The following RANBP10 variants were observed in gnomAD, a reference collection of about 807,000 sequenced individuals.
RANBP10 encodes the protein ran-binding protein 10.
RANBP10 carries 24 observed loss-of-function variants against 72.8 expected under a neutral mutation model. The observed-to-expected ratio is 0.33, with a 90% CI of 0.24 to 0.46. The LOEUF is 0.46. Among genes scored for constraint, RANBP10 ranks in the 20% least tolerant of loss-of-function variants. The pLI, the probability that RANBP10 is intolerant of heterozygous loss-of-function variation, is 1.00. For synonymous variants in RANBP10, 310 were observed against 322.3 expected (o/e 0.96, Z 0.41); for missense variants, 679 against 817.5 (o/e 0.83, Z 2.07).
intron 10 of RANBP10, 84 bp from the exon 11 acceptor site, chr16:67,728,595 T>A: frequency 6.2e-7 from 1 of 1,601,668 alleles, no homozygotes. Flanking sequence ...GCTGTAGCCA[T>A]GGGTTGCTGT....
At chr16:67,803,360 A>T (rs942842009) in intron 2 of RANBP10, among the ~76,000 whole-genome samples, 40 of 152,010 alleles carry the variant, frequency 2.6e-4, no homozygotes, top group African/African-American at 9.2e-4. Context: ...CAAATAATTT[A>T]AAAAATTAGG....
chr16:67,728,333 G>T, intron 11 of RANBP10, 57 bp downstream of exon 11: 1 of 1,583,862 alleles, frequency 6.3e-7, no homozygotes, highest in South Asian at 1.1e-5. Flanking sequence ...CAGGGGAAGA[G>T]GGCACCCAGA....
intron 4 of RANBP10, chr16:67,739,061 G>C (rs757804615): frequency 6.6e-6 from 1 of 152,170 alleles, no homozygotes; most frequent in Non-Finnish European, 1.5e-5. Context: ...CCGAGTTCAA[G>C]CAATTCTCCT....
intron 3 of RANBP10, among the ~76,000 whole-genome samples, chr16:67,757,148 C>A (rs139282701): frequency 2.0e-5 from 3 of 152,172 alleles, no homozygotes; most frequent in Non-Finnish European, 4.4e-5. Flanking sequence ...GCAGAGGTTG[C>A]GGTGAGCCAA....
intron 3 of RANBP10, among the ~76,000 whole-genome samples, chr16:67,757,279 C>A (rs1221428665): frequency 6.6e-6 from 1 of 152,152 alleles, no homozygotes; most frequent in African/African-American, 2.4e-5. Flanking sequence ...CCAAAGGGAG[C>A]GGGTAGGGGT....
At chr16:67,733,053 CAAAAAAAAAA>C (rs770521202) in intron 6 of RANBP10, among the ~76,000 whole-genome samples, 4 of 43,788 alleles carry the variant, frequency 9.1e-5, no homozygotes, top group Non-Finnish European at 1.8e-4. Flanking sequence ...GACTCCATCT[CAAAAAAAAAA>C]AAAAAAAAAA....
intron 5 of RANBP10, among the ~76,000 whole-genome samples, chr16:67,737,240 G>T (rs1312214831): frequency 8.6e-6 from 1 of 116,462 alleles, no homozygotes; most frequent in African/African-American, 3.4e-5. Context: ...TCGCTCTGTC[G>T]CCCAGGCTGA....
At chr16:67,759,235 G>C (rs969397615) in intron 3 of RANBP10, among the ~76,000 whole-genome samples, 3 of 152,198 alleles carry the variant, frequency 2.0e-5, no homozygotes, top group African/African-American at 7.2e-5. Flanking sequence ...ATGTGCCAGG[G>C]GTCTCTCGGA....
intron 5 of RANBP10, 72 bp from the exon 6 acceptor site, chr16:67,735,114 G>T: frequency 7.3e-7 from 1 of 1,376,116 alleles, no homozygotes; most frequent in Non-Finnish European, 9.8e-7. Context: ...TCACCTCCAT[G>T]GCTGCTGCTG....
chr16:67,779,246 T>C (rs2054768336), intron 2 of RANBP10, among the ~76,000 whole-genome samples: 1 of 151,782 alleles, frequency 6.6e-6, no homozygotes, highest in Admixed American at 6.6e-5. Flanking sequence ...AATACAAAAA[T>C]TAACCAGACA....
intron 4 of RANBP10, among the ~76,000 whole-genome samples, chr16:67,742,540 G>T (rs1227826888): frequency 5.3e-5 from 8 of 152,148 alleles, no homozygotes; most frequent in Non-Finnish European, 1.2e-4. Flanking sequence ...ACAGCCTAAG[G>T]GCTTGAGGTG....
In RANBP10 at chr16:67,806,527, C is replaced by G. The variant is rs2055455818; in HGVS notation, c.10G>C (p.Ala4Pro). MAA[A>P]TADPGAGNPQ... ...TTCCCAGCTCCCGGGTCTGCCGTCG[C>G]TGCCGCCATCTTGGAGGGAGCTACT... The change falls in exon 1 of 14, where the codon GCG becomes CCG. Residue 4 changes from alanine (A) to proline (P), a missense_variant. By Grantham distance (27) the Ala-to-Pro change is conservative. Coordinates refer to ENST00000317506, the MANE Select transcript of RANBP10 (RefSeq NM_020850.3). The G allele has an allele frequency of 6.6e-7, 1 of 1,506,628 alleles. No homozygotes were observed. 93.3% of individuals were successfully genotyped at this position (1,506,628 alleles called of 1,614,324 possible).
intron 2 of RANBP10, among the ~76,000 whole-genome samples, chr16:67,773,848 T>C (rs572623032): frequency 2.0e-5 from 3 of 152,310 alleles, no homozygotes; most frequent in Non-Finnish European, 4.4e-5. Flanking sequence ...TGAACCAATA[T>C]AGCCTGTAGC....
rs981340038 is a variant in RANBP10 at position 67,777,484 on chromosome 16, C to T, written c.348-5398G>A. On this transcript the variant is annotated intron_variant, in intron 2 of 13. Transcript: ENST00000317506. ...CCAGGAGGCTGAGCTTGCAGTGAGC[C>T]GAGATCGCGCCACTGCACTCCAGCC... Among the ~76,000 whole-genome samples the T allele has an allele frequency of 4.6e-4, 70 of 151,702 alleles. 1 individual carries two copies. The highest frequency in any genetic ancestry group is 1.6e-3 in the African/African-American group (65 of 41,244).
chr16:67,764,257 G>A (rs948876200), intron 3 of RANBP10, among the ~76,000 whole-genome samples: 2 of 152,112 alleles, frequency 1.3e-5, no homozygotes, highest in Admixed American at 6.6e-5. Context: ...CCTCTCTTCC[G>A]AGGGCTCATA....
At chr16:67,795,027 G>A (rs1256128784) in intron 2 of RANBP10, among the ~76,000 whole-genome samples, 3 of 151,264 alleles carry the variant, frequency 2.0e-5, no homozygotes, top group Non-Finnish European at 4.4e-5. Flanking sequence ...GGCCAAGACA[G>A]GCAGATCACT....
At chr16:67,746,830 G>A (rs928204546) in intron 3 of RANBP10, among the ~76,000 whole-genome samples, 1 of 152,114 alleles carries the variant, frequency 6.6e-6, no homozygotes, top group African/African-American at 2.4e-5. Flanking sequence ...ATGCATCTGC[G>A]ATCCATCCAT....
intron 3 of RANBP10, among the ~76,000 whole-genome samples, chr16:67,758,846 T>G (rs2054340983): frequency 6.6e-6 from 1 of 152,152 alleles, no homozygotes; most frequent in Non-Finnish European, 1.5e-5. Flanking sequence ...AGAATAAGAC[T>G]TTTTAGGTCT....
At chr16:67,761,760 G>A (rs760688737) in intron 3 of RANBP10, among the ~76,000 whole-genome samples, 17 of 152,168 alleles carry the variant, frequency 1.1e-4, no homozygotes, top group Admixed American at 3.3e-4. Flanking sequence ...TGGTAGAGAC[G>A]GGGTTTTACC....
Sources: allele counts gnomAD v4.1 joint callset (sites outside exome capture counted in the v4.1 genomes callset), GRCh38; gene constraint gnomAD v4.1.1; transcripts MANE v1.5; gene names NCBI Gene and HGNC (gene_info 2026-07-23, HGNC 2026-07-21).